The following PDZD7 variants were observed in gnomAD, a reference collection of about 807,000 sequenced individuals.
PDZD7 encodes the protein PDZ domain-containing protein 7.
Under a neutral mutation model 84.7 loss-of-function variants are expected in PDZD7, and 72 were observed. The observed-to-expected ratio is 0.85, with a 90% CI of 0.70 to 1.03. The LOEUF is 1.03. PDZD7 is among the 50% of genes least tolerant of loss of function. The probability of loss-of-function intolerance (pLI) is 0.00; values close to 1 mark genes in which losing one functional copy is unlikely to be tolerated. For synonymous variants in PDZD7, 594 were observed against 580.7 expected (o/e 1.02, Z -0.33); for missense variants, 1,490 against 1,412.9 (o/e 1.05, Z -0.87).
At position 101,027,667 on chromosome 10, in the gene PDZD7, A is replaced by G. The variant is rs189659363; in HGVS notation, c.226+2327T>C. ...GAGGTTTGAGAAGCACCATTCTATC[A>G]TGTCATCAGATGATCACATTCTGAC... is the stretch of plus-strand genomic sequence containing the variant. On this transcript the variant is annotated intron_variant, in intron 2 of 16. Transcript: ENST00000619208. Among the ~76,000 whole-genome samples the G allele has an allele frequency of 5.7e-4, 87 of 152,236 alleles. 1 individual carries two copies. Among genetic ancestry groups the G allele is most frequent in the Non-Finnish European group, 5.3e-4 (36 of 68,022 alleles).
rs752103163 is a variant in PDZD7 at position 101,030,215 on chromosome 10, G to T, written c.5C>A (p.Ala2Glu). The T allele has an allele frequency of 6.2e-7, 1 of 1,604,982 alleles. No homozygotes were observed. The highest frequency in any genetic ancestry group is 1.1e-5 in the South Asian group (1 of 90,178). The change falls in exon 2 of 17, where the codon GCG becomes GAG. Residue 2 changes from alanine to glutamate, a missense_variant. Physicochemically the swap from Ala to Glu is moderately radical, Grantham distance 107 (BLOSUM62 -1). Coordinates refer to ENST00000619208, the MANE Select transcript of PDZD7 (RefSeq NM_001195263.2). MAQGFAVGFDPL... is the reference protein window; with the variant it reads MEQGFAVGFDPL... ...GTCGAAGCCCACTGCGAAACCCTGC[G>T]CCATGGCGGCTGGGCTAGGGCGGCA...
intron 9 of PDZD7, 40 bp from the exon 10 acceptor site, chr10:101,016,467 C>G: frequency 6.5e-7 from 1 of 1,549,096 alleles, no homozygotes; most frequent in Non-Finnish European, 8.7e-7. Flanking sequence ...GCCTTGGCCC[C>G]CAGTCTGAAA....
Position 101,008,643 on chromosome 10 carries a change from C to T in PDZD7, c.2926G>A (p.Ala976Thr). 6.5e-7 allele frequency: 1 copy of T among 1,536,022 alleles called. No individual in the cohort carries two copies. Among genetic ancestry groups the T allele is most frequent in the Non-Finnish European group, 8.7e-7 (1 of 1,146,878 alleles). ...DGGLPADHLP[A>T]HQPLDAAPVP... ...GGAGCAGCATCAAGGGGTTGGTGGGCAGGCAAGTGGTCAGCAGGAAGGCCC... is the reference window on the plus strand; with the variant it reads ...GGAGCAGCATCAAGGGGTTGGTGGGTAGGCAAGTGGTCAGCAGGAAGGCCC... Residue 976 changes from alanine to threonine, a missense_variant, in exon 17 of 17, where the codon GCC becomes ACC. Coordinates refer to ENST00000619208, the MANE Select transcript of PDZD7 (RefSeq NM_001195263.2).
chr10:101,030,063 C>T lies in PDZD7; in HGVS notation c.157G>A (p.Gly53Arg), dbSNP rs778664043. Residue 53 changes from glycine (G) to arginine (R), a missense_variant, in exon 2 of 17, where the codon GGG becomes AGG. Gly to Arg is a moderately radical substitution (Grantham distance 125). Coordinates refer to ENST00000619208, the MANE Select transcript of PDZD7 (RefSeq NM_001195263.2). ...LLRKQQRLLN[G>R]PPRGIRASSP... is the part of the protein sequence containing the mutation. ...GAGGCTCGGATTCCGCGGGGGGGCC[C>T]GTTCAGCAGCCGTTGTTGCTTCCTT... The T allele has an allele frequency of 2.5e-6, 4 of 1,614,100 alleles. No homozygotes were observed. The highest frequency in any genetic ancestry group is 1.7e-5 in the Admixed American group (1 of 60,028).
At chr10:101,013,369 C>T (rs933142889) in intron 11 of PDZD7, among the ~76,000 whole-genome samples, 10 of 152,056 alleles carry the variant, frequency 6.6e-5, no homozygotes, top group Admixed American at 5.9e-4. Flanking sequence ...CTAGTGGGAG[C>T]GAGGGGAAGA....
rs986993335 is a variant in PDZD7 at position 101,008,781 on chromosome 10, T to C, written c.2788A>G (p.Thr930Ala). The C allele has an allele frequency of 1.3e-6, 2 of 1,534,692 alleles. No individual in the cohort carries two copies. The highest frequency in any genetic ancestry group is 1.4e-5 in the African/African-American group (1 of 72,928). Residue 930 changes from threonine to alanine, a missense_variant, in exon 17 of 17, where the codon ACC becomes GCC. Thr to Ala is a moderately conservative substitution (Grantham distance 58). Transcript: ENST00000619208. Reference protein sequence around the residue: ...EQVTHQRAVDTIRRAYRNKAR... With the variant: ...EQVTHQRAVDAIRRAYRNKAR... Reference sequence around the variant, plus strand: ...TTGTTTCGATAAGCCCGACGGATGGTGTCTACTGCACGCTGGTGGGTCACC... The same window carrying C: ...TTGTTTCGATAAGCCCGACGGATGGCGTCTACTGCACGCTGGTGGGTCACC...
At chr10:101,025,777 GAC>G (rs1937655195) in intron 2 of PDZD7, among the ~76,000 whole-genome samples, 1 of 150,914 alleles carries the variant, frequency 6.6e-6, no homozygotes, top group African/African-American at 2.5e-5. Context: ...TTGATCTCCT[GAC>G]CTCGTGATCT....
intron 9 of PDZD7, chr10:101,017,302 T>C (rs1852672416): frequency 3.6e-6 from 1 of 280,054 alleles, no homozygotes; most frequent in African/African-American, 2.2e-5. Context: ...ATGGGAGAGA[T>C]GGAGGGGGAC....
chr10:101,008,554 C>A lies in PDZD7; in HGVS notation c.3015G>T (p.Arg1005Ser), dbSNP rs890671396. ...TNPQTPPTDA[R>S]LLQPTPSPAP... ...CTGGGCTGGGAGTTGGCTGGAGGAG[C>A]CTGGCATCAGTGGGAGGAGTCTGGG... The change falls in exon 17 of 17, where the codon AGG becomes AGT. Residue 1005 changes from arginine to serine, a missense_variant. Coordinates refer to ENST00000619208, the MANE Select transcript of PDZD7 (RefSeq NM_001195263.2). The A allele has an allele frequency of 7.2e-6, 11 of 1,535,318 alleles. No individual in the cohort carries two copies. Among genetic ancestry groups the A allele is most frequent in the East Asian group, 2.4e-5 (1 of 40,876 alleles).
At position 101,027,089 on chromosome 10, in the gene PDZD7, C is replaced by T. The variant is rs541417360; in HGVS notation, c.226+2905G>A. Among the ~76,000 whole-genome samples, 134 of 152,286 alleles carry T rather than the reference C, an allele frequency of 8.8e-4. 2 individuals are homozygous for T. The South Asian group carries it at 0.012, about 14-fold the overall frequency. ...GCACTATCCTTGCTTCCACTCTTGC[C>T]GCCTTTAGCTATTCTCTATACAGTA... On this transcript the variant is annotated intron_variant, in intron 2 of 16. Coordinates refer to ENST00000619208, the MANE Select transcript of PDZD7 (RefSeq NM_001195263.2).
At position 101,021,662 on chromosome 10, in the gene PDZD7, G is replaced by A. The variant is rs945610187; in HGVS notation, c.867+136C>T. On this transcript the variant is annotated intron_variant, in intron 6 of 16. Coordinates refer to ENST00000619208, the MANE Select transcript of PDZD7 (RefSeq NM_001195263.2). ...AACCTGTTTCTTCTTCTTCAAAACA[G>A]GGATGAGAACAATGCCTGTCTACCT... 3.0e-6 allele frequency: 4 copies of A among 1,351,060 alleles called. No individual in the cohort carries two copies. The African/African-American group carries it at 5.7e-5, about 19-fold the overall frequency. 83.7% of individuals were successfully genotyped at this position (1,351,060 alleles called of 1,614,324 possible).
In PDZD7 at chr10:101,016,398, C is replaced by T; in HGVS notation, c.1552G>A (p.Val518Ile). ...AGGVGPVQKF[V>I]TWRLRRDQER... ...TTACCACGTCTCAGTCTCCAGGTGACAAACTTCTGTACCGGGCCCACGCCC... is the reference window on the plus strand; with the variant it reads ...TTACCACGTCTCAGTCTCCAGGTGATAAACTTCTGTACCGGGCCCACGCCC... The change falls in exon 10 of 17, where the codon GTC (valine) becomes ATC (isoleucine). Residue 518 changes from valine to isoleucine, a missense_variant. Val to Ile is a conservative substitution (Grantham distance 29). Coordinates refer to ENST00000619208, the MANE Select transcript of PDZD7 (RefSeq NM_001195263.2). 1 of 1,550,712 alleles carries T rather than the reference C, an allele frequency of 6.4e-7. No homozygotes were observed. Among genetic ancestry groups the T allele is most frequent in the African/African-American group, 1.4e-5 (1 of 73,182 alleles).
intron 11 of PDZD7, 50 bp downstream of exon 11, chr10:101,015,586 G>A: frequency 6.7e-7 from 1 of 1,492,602 alleles, no homozygotes; most frequent in Non-Finnish European, 9.0e-7. Context: ...ATGATGGGCT[G>A]GGTGACTGAA....
At position 101,008,524 on chromosome 10, in the gene PDZD7, G is replaced by A. The variant is rs762917041; in HGVS notation, c.3045C>T (p.Pro1015=). ...RLLQPTPSPA[P]SPALQTPDSK... is the part of the protein sequence containing the mutation. ...AATCAGGAGTCTGGAGGGCTGGGGA[G>A]GGGGCTGGGCTGGGAGTTGGCTGGA... Residue 1015 remains proline (P), a synonymous_variant, in exon 17 of 17, where the codon CCC becomes CCT. Transcript: ENST00000619208. 7 of 1,534,336 alleles carry A rather than the reference G, an allele frequency of 4.6e-6. No individual in the cohort carries two copies. The highest frequency in any genetic ancestry group is 1.4e-5 in the African/African-American group (1 of 72,950).
In PDZD7 at chr10:101,018,276, T is replaced by C. The variant is rs756633308; in HGVS notation, c.1345A>G (p.Lys449Glu). The C allele has an allele frequency of 3.7e-6, 6 of 1,613,564 alleles. No individual in the cohort carries two copies. In the Admixed American group the frequency reaches 1.0e-4, roughly 27 times the overall value. ...TLWEEKQQRK[K>E]EKSGSPGEKG... ...TCCCCAGGGGACCCCGACTTCTCCT[T>C]CTTCCGCTGCTGCTTCTCCTCTGCA... The change falls in exon 9 of 17, where the codon AAG (lysine) becomes GAG (glutamate). Residue 449 changes from lysine (K) to glutamate (E), a missense_variant. By Grantham distance (56) the Lys-to-Glu change is moderately conservative. Coordinates refer to ENST00000619208, the MANE Select transcript of PDZD7 (RefSeq NM_001195263.2).
chr10:101,030,012 T>G lies in PDZD7; in HGVS notation c.208A>C (p.Ile70Leu), dbSNP rs1215095978. The G allele has an allele frequency of 6.2e-7, 1 of 1,612,522 alleles. No individual in the cohort carries two copies. The highest frequency in any genetic ancestry group is 8.5e-7 in the Non-Finnish European group (1 of 1,179,858). The stretch of plus-strand genomic sequence containing the variant: ...CCCCTACCTTCGATGGGGGAGTTGA[T>G]GAGGATGACGCGTCCCATGGGCGAT... ...ASSPMGRVIL[I>L]NSPIEANSDE... Residue 70 changes from isoleucine to leucine, a missense_variant, in exon 2 of 17, where the codon ATC becomes CTC. Transcript: ENST00000619208.
chr10:101,016,057 C>A (rs906428853), intron 10 of PDZD7, among the ~76,000 whole-genome samples: 1 of 152,180 alleles, frequency 6.6e-6, no homozygotes, highest in Non-Finnish European at 1.5e-5. Context: ...CCCCAGGGCC[C>A]CCTGAACATG....
chr10:101,023,608 G>C lies in PDZD7; in HGVS notation c.370C>G (p.Arg124Gly), dbSNP rs114917863. The C allele has an allele frequency of 1.9e-6, 3 of 1,611,352 alleles. No homozygotes were observed. The highest frequency in any genetic ancestry group is 2.5e-6 in the Non-Finnish European group (3 of 1,179,996). ...SKVEEGSSAE[R>G]AGLCVGDKIT... ...TTGTCCCCCACGCACAGGCCAGCCC[G>C]CTCTGCACCACAGGATGGGAGTGGC... The change falls in exon 4 of 17, where the codon CGG (arginine) becomes GGG (glycine). Residue 124 changes from arginine (R) to glycine (G), a missense_variant and splice_region_variant. Physicochemically the swap from Arg to Gly is moderately radical, Grantham distance 125. Transcript: ENST00000619208.
chr10:101,014,171 G>T (rs1030776314), intron 11 of PDZD7, among the ~76,000 whole-genome samples: 38 of 152,222 alleles, frequency 2.5e-4, no homozygotes, highest in Admixed American at 1.3e-3. Flanking sequence ...CCAGACAGGG[G>T]TTTCTGATTC....
Sources: allele counts gnomAD v4.1 joint callset (sites outside exome capture counted in the v4.1 genomes callset), GRCh38; gene constraint gnomAD v4.1.1; transcripts MANE v1.5; gene names NCBI Gene and HGNC (gene_info 2026-07-23, HGNC 2026-07-21).